FRMD4B: variants seen among roughly 807,000 people sequenced by gnomAD.
FRMD4B encodes FERM domain-containing protein 4B.
In FRMD4B, 74 loss-of-function variants were observed where a neutral mutation model predicts 141.5. The observed-to-expected ratio is 0.52, with a 90% CI of 0.43 to 0.63. The LOEUF is 0.63. Ranked by LOEUF, FRMD4B falls within the 30% of genes least tolerant of loss-of-function variation. The pLI is 0.00. For synonymous variants in FRMD4B, 506 were observed against 467.9 expected (o/e 1.08, Z -1.05); for missense variants, 1,366 against 1,253.4 (o/e 1.09, Z -1.36).
At position 69,204,383 on chromosome 3, in the gene FRMD4B, C is replaced by A. The variant is rs180786628; in HGVS notation, c.877-5609G>T. On this transcript the variant is annotated intron_variant, in intron 11 of 22. Coordinates refer to ENST00000398540, the MANE Select transcript of FRMD4B (RefSeq NM_015123.3). ...CAGGAGAGGCTTGGCTTTTTAATGGCAACTCATAGTACCTATAGGTTAATC... is the reference window on the plus strand; with the variant it reads ...CAGGAGAGGCTTGGCTTTTTAATGGAAACTCATAGTACCTATAGGTTAATC... 1.1e-3 allele frequency among the ~76,000 whole-genome samples: 166 copies of A among 152,224 alleles called. 1 individual carries two copies. The highest frequency in any genetic ancestry group is 3.8e-3 in the African/African-American group (157 of 41,536).
intron 5 of FRMD4B, among the ~76,000 whole-genome samples, chr3:69,282,026 G>A (rs2093647261): frequency 6.6e-6 from 1 of 151,964 alleles, no homozygotes; most frequent in Non-Finnish European, 1.5e-5. Flanking sequence ...CCCATTGAGA[G>A]CCACCCAGTT....
At chr3:69,418,742 A>G (rs11925081) in intron 2 of FRMD4B, among the ~76,000 whole-genome samples, 95 of 152,184 alleles carry the variant, frequency 6.2e-4, no homozygotes, top group Admixed American at 6.5e-4. Flanking sequence ...AGCTCTGGCC[A>G]ACATCTTAAT....
At chr3:69,421,900 C>T (rs1221532554) in intron 2 of FRMD4B, among the ~76,000 whole-genome samples, 1 of 152,164 alleles carries the variant, frequency 6.6e-6, no homozygotes, top group African/African-American at 2.4e-5. Context: ...TGATAGGAAA[C>T]AACGCTACTG....
intron 7 of FRMD4B, among the ~76,000 whole-genome samples, chr3:69,235,828 A>G (rs754760180): frequency 6.6e-6 from 1 of 152,204 alleles, no homozygotes; most frequent in Non-Finnish European, 1.5e-5. Context: ...GAGTTAAGGG[A>G]GATTAAGCAA....
At position 69,247,572 on chromosome 3, in the gene FRMD4B, C is replaced by T. The variant is rs1426459940; in HGVS notation, c.581+1654G>A. On this transcript the variant is annotated intron_variant, in intron 7 of 22. Transcript: ENST00000398540. Reference sequence around the variant, plus strand: ...CGCGATCTTGGCTCACTGCAACCTTCGCCTCCCAGGTTCAAGCAATTCTCC... The same window carrying T: ...CGCGATCTTGGCTCACTGCAACCTTTGCCTCCCAGGTTCAAGCAATTCTCC... 6.6e-5 allele frequency among the ~76,000 whole-genome samples: 10 copies of T among 152,160 alleles called. 1 individual carries two copies. Among genetic ancestry groups the T allele is most frequent in the South Asian group, 2.1e-4 (1 of 4,834 alleles).
chr3:69,522,945 C>A (rs781309394), intron 1 of FRMD4B, among the ~76,000 whole-genome samples: 2 of 152,094 alleles, frequency 1.3e-5, no homozygotes, highest in Admixed American at 6.5e-5. Context: ...CAAGAGGTTG[C>A]AAACCCTAGG....
At chr3:69,323,985 G>A (rs1277475430) in intron 1 of FRMD4B, among the ~76,000 whole-genome samples, 2 of 152,136 alleles carry the variant, frequency 1.3e-5, no homozygotes, top group Non-Finnish European at 2.9e-5. Flanking sequence ...CCAAACCAGA[G>A]TTGGCTGGTT....
chr3:69,337,713 T>C (rs1702602975), intron 1 of FRMD4B, among the ~76,000 whole-genome samples: 1 of 152,174 alleles, frequency 6.6e-6, no homozygotes, highest in Non-Finnish European at 1.5e-5. Context: ...AGAATGCTCA[T>C]CATCACTGGA....
At chr3:69,398,821 C>A (rs538934830) in intron 2 of FRMD4B, among the ~76,000 whole-genome samples, 1 of 152,288 alleles carries the variant, frequency 6.6e-6, no homozygotes, top group East Asian at 1.9e-4. Context: ...TGCCCTTTTC[C>A]CCTGCCCAAA....
At chr3:69,401,497 T>C (rs17353064) in intron 2 of FRMD4B, among the ~76,000 whole-genome samples, 16,285 of 152,222 alleles carry the variant, frequency 0.11, 968 homozygotes, top group Middle Eastern at 0.15. Context: ...AATGTTTATT[T>C]TGGGTTTCCT....
intron 21 of FRMD4B, among the ~76,000 whole-genome samples, chr3:69,178,884 T>G (rs1233909626): frequency 6.6e-6 from 1 of 151,390 alleles, no homozygotes; most frequent in East Asian, 1.9e-4. Flanking sequence ...CATGTAATGT[T>G]CTGAATGTGC....
At chr3:69,415,713 T>C (rs1163954674) in intron 2 of FRMD4B, among the ~76,000 whole-genome samples, 1 of 152,230 alleles carries the variant, frequency 6.6e-6, no homozygotes, top group Non-Finnish European at 1.5e-5. Context: ...AGTCTGCAAT[T>C]ATGCATTTAT....
At chr3:69,480,111 A>T (rs958729972) in intron 1 of FRMD4B, among the ~76,000 whole-genome samples, 2 of 152,052 alleles carry the variant, frequency 1.3e-5, no homozygotes, top group African/African-American at 4.8e-5. Flanking sequence ...CATTCGTCTA[A>T]ATTTTTTTCA....
chr3:69,275,797 T>C (rs1384821792), intron 5 of FRMD4B, among the ~76,000 whole-genome samples: 1 of 152,102 alleles, frequency 6.6e-6, no homozygotes, highest in Non-Finnish European at 1.5e-5. Context: ...TTTTCTTTAT[T>C]TTTCTGATTT....
intron 3 of FRMD4B, among the ~76,000 whole-genome samples, chr3:69,305,312 G>A (rs1701357689): frequency 6.6e-6 from 1 of 151,954 alleles, no homozygotes; most frequent in Non-Finnish European, 1.5e-5. Context: ...CAAGGCTTCT[G>A]ATACCTGTTT....
At chr3:69,495,843 T>C (rs1487002479) in intron 1 of FRMD4B, among the ~76,000 whole-genome samples, 1 of 152,196 alleles carries the variant, frequency 6.6e-6, no homozygotes, top group Non-Finnish European at 1.5e-5. Flanking sequence ...TTGAAATATA[T>C]ATTTAAATTG....
intron 2 of FRMD4B, among the ~76,000 whole-genome samples, chr3:69,411,944 A>G (rs1704768058): frequency 6.6e-6 from 1 of 152,248 alleles, no homozygotes; most frequent in Non-Finnish European, 1.5e-5. Flanking sequence ...TCAGAAATAC[A>G]GCAGGAATAT....
At chr3:69,355,747 G>A (rs897728988) in intron 1 of FRMD4B, among the ~76,000 whole-genome samples, 2 of 152,112 alleles carry the variant, frequency 1.3e-5, no homozygotes, top group Admixed American at 1.3e-4. Context: ...TTAGGAGGCC[G>A]GGCACAGTGT....
intron 11 of FRMD4B, among the ~76,000 whole-genome samples, chr3:69,203,369 A>T (rs1205875954): frequency 6.6e-6 from 1 of 151,410 alleles, no homozygotes; most frequent in Non-Finnish European, 1.5e-5. Context: ...AAAATACTAT[A>T]AGGAAAAGCA....
Sources: allele counts gnomAD v4.1 joint callset (sites outside exome capture counted in the v4.1 genomes callset), GRCh38; gene constraint gnomAD v4.1.1; transcripts MANE v1.5; gene names NCBI Gene and HGNC (gene_info 2026-07-23, HGNC 2026-07-21).